The following CCDC91 variants were observed in gnomAD, a reference collection of about 807,000 sequenced individuals.
CCDC91 encodes coiled-coil domain containing 91, also known as coiled-coil domain-containing protein 91.
Under a neutral mutation model 63.2 loss-of-function variants are expected in CCDC91, and 48 were observed. The observed-to-expected ratio is 0.76, with a 90% CI of 0.60 to 0.97. The LOEUF (loss-of-function observed/expected upper bound fraction) is 0.97, where lower values mean the gene tolerates loss of function less well. Ranked by LOEUF, CCDC91 falls within the 50% of genes least tolerant of loss-of-function variation. The pLI is 0.00. For missense variants in CCDC91, 500 were observed against 494.6 expected, an observed-to-expected ratio of 1.01 and a Z score of -0.10; for synonymous variants, 167 against 165.8, an observed-to-expected ratio of 1.01 and a Z score of -0.06.
In CCDC91 at chr12:28,548,256, A is replaced by G. The variant is rs1240700242; in HGVS notation, c.1216-807A>G. The stretch of plus-strand genomic sequence containing the variant: ...CAAGAACAAAAAAAGTTTCAACAGT[A>G]TCAAATATTTTGTGTGTTGTTTTAT... On this transcript the variant is annotated intron_variant, in intron 12 of 12. Transcript: ENST00000536442. Among the ~76,000 whole-genome samples the G allele has an allele frequency of 2.6e-5, 4 of 152,116 alleles. No individual in the cohort carries two copies. In the East Asian group the frequency reaches 7.7e-4, roughly 29 times the overall value.
chr12:28,494,594 C>T (rs1484281778), intron 12 of CCDC91, among the ~76,000 whole-genome samples: 1 of 151,664 alleles, frequency 6.6e-6, no homozygotes, highest in Non-Finnish European at 1.5e-5. Context: ...GTTCTGGACA[C>T]ATATGTCATC....
At chr12:28,479,046 A>G (rs1234915698) in intron 11 of CCDC91, among the ~76,000 whole-genome samples, 3 of 152,106 alleles carry the variant, frequency 2.0e-5, no homozygotes, top group African/African-American at 7.2e-5. Flanking sequence ...ATCGTGGAAG[A>G]CAGTATGGCG....
Position 28,549,195 on chromosome 12 carries a change from C to T in CCDC91, c.*22C>T. The T allele has an allele frequency of 7.8e-7, 1 of 1,283,354 alleles. No individual in the cohort carries two copies. The highest frequency in any genetic ancestry group is 1.1e-6 in the Non-Finnish European group (1 of 879,696). 79.5% of individuals were successfully genotyped at this position (1,283,354 alleles called of 1,614,324 possible). A position where few individuals can be genotyped will look rare whatever the true frequency, so the allele number is the denominator to read the frequency against. On this transcript the variant is annotated 3_prime_UTR_variant, in exon 13 of 13. Coordinates refer to ENST00000536442, the MANE Select transcript of CCDC91 (RefSeq NM_018318.5). ...ATAAAAAGAACATGACAAACCCACA[C>T]TGGCATTGGATAAATCATATTACAC...
chr12:28,447,022 AAAGGTGT>A (rs1949536126), intron 8 of CCDC91, among the ~76,000 whole-genome samples: 1 of 152,142 alleles, frequency 6.6e-6, no homozygotes. Context: ...TATTGTTAGA[AAAGGTGT>A]AATTTGGTAT....
intron 12 of CCDC91, among the ~76,000 whole-genome samples, chr12:28,532,653 A>G (rs1380178787): frequency 6.6e-6 from 1 of 152,030 alleles, no homozygotes; most frequent in East Asian, 1.9e-4. Context: ...AGAAAGAGTA[A>G]CTGTTCGAGT....
rs1355589501 is a variant in CCDC91, at chr12:28,285,576, AT to A, written c.110-20070del. Among the ~76,000 whole-genome samples, 6 of 151,636 alleles carry A rather than the reference AT, an allele frequency of 4.0e-5. No homozygotes were observed. In the Admixed American group the frequency reaches 4.0e-4, roughly 10 times the overall value. ...AATCGAGTTTAATGATATTGCAGCAATTTGCCAATAGGACTGGCAAAATTTA... is the reference window on the plus strand; with the variant it reads ...AATCGAGTTTAATGATATTGCAGCAATTGCCAATAGGACTGGCAAAATTTA... On this transcript the variant is annotated intron_variant, in intron 3 of 12. Transcript: ENST00000536442.
intron 1 of CCDC91, among the ~76,000 whole-genome samples, chr12:28,212,714 T>C (rs986301094): frequency 3.9e-5 from 6 of 152,224 alleles, no homozygotes; most frequent in East Asian, 1.9e-4. Context: ...GTCCGTTTTT[T>C]ATTAATGAGG....
intron 12 of CCDC91, among the ~76,000 whole-genome samples, chr12:28,526,851 T>C (rs970329625): frequency 6.6e-6 from 1 of 152,056 alleles, no homozygotes; most frequent in African/African-American, 2.4e-5. Context: ...TTGAAAACTT[T>C]ATCTTCAAGC....
chr12:28,447,009 T>A (rs1365736797), intron 8 of CCDC91, among the ~76,000 whole-genome samples: 5 of 152,190 alleles, frequency 3.3e-5, no homozygotes, highest in Non-Finnish European at 7.3e-5. Flanking sequence ...CCCGTTGTCC[T>A]GTTATTGTTA....
intron 10 of CCDC91, among the ~76,000 whole-genome samples, chr12:28,451,653 A>C (rs1253006525): frequency 6.6e-6 from 1 of 151,738 alleles, no homozygotes; most frequent in African/African-American, 2.4e-5. Context: ...TATTTTTCAC[A>C]TAAAAATGTT....
intron 8 of CCDC91, among the ~76,000 whole-genome samples, chr12:28,425,182 A>C (rs917257368): frequency 2.0e-5 from 3 of 152,148 alleles, no homozygotes; most frequent in African/African-American, 7.2e-5. Context: ...TTGCCGTCCA[A>C]GTACTCTGGA....
chr12:28,436,154 T>A (rs1184558735), intron 8 of CCDC91, among the ~76,000 whole-genome samples: 1 of 151,840 alleles, frequency 6.6e-6, no homozygotes, highest in East Asian at 1.9e-4. Context: ...TTTGTTACCC[T>A]TTTTTTCCTA....
chr12:28,270,155 G>C (rs1304892456), intron 3 of CCDC91, among the ~76,000 whole-genome samples: 3 of 151,990 alleles, frequency 2.0e-5, no homozygotes, highest in African/African-American at 7.2e-5. Flanking sequence ...TTAAAGGCTA[G>C]TTTTATTGTG....
chr12:28,387,376 A>G lies in CCDC91; in HGVS notation c.655-3928A>G, dbSNP rs1592514697. Among the ~76,000 whole-genome samples, 7 of 150,584 alleles carry G rather than the reference A, an allele frequency of 4.6e-5. No individual in the cohort carries two copies. In the South Asian group the frequency reaches 1.2e-3, roughly 27 times the overall value. On this transcript the variant is annotated intron_variant, in intron 7 of 12. Transcript: ENST00000536442. The stretch of plus-strand genomic sequence containing the variant: ...TAACTCCAGCTTCTGTACTCCAGCT[A>G]TTAGTTTTGTTTTTAATTTTTTAGT...
intron 7 of CCDC91, among the ~76,000 whole-genome samples, chr12:28,377,825 TTGAC>T (rs1945043802): frequency 6.6e-6 from 1 of 151,990 alleles, no homozygotes; most frequent in Non-Finnish European, 1.5e-5. Context: ...TTTCTGATGC[TTGAC>T]TAAGTTGGTG....
intron 1 of CCDC91, among the ~76,000 whole-genome samples, chr12:28,231,697 AT>A (rs80006427): frequency 0.21 from 31,257 of 152,112 alleles, 4,209 homozygotes; most frequent in Non-Finnish European, 0.3. Context: ...TTATTAGATA[AT>A]TTTAAGAAAG....
chr12:28,259,772 C>A (rs1489813783), intron 3 of CCDC91, among the ~76,000 whole-genome samples: 2 of 151,602 alleles, frequency 1.3e-5, no homozygotes, highest in Middle Eastern at 3.2e-3. Context: ...TTAAAGATTC[C>A]TTTTTATAGT....
chr12:28,264,928 T>C (rs939569667), intron 3 of CCDC91, among the ~76,000 whole-genome samples: 7 of 152,000 alleles, frequency 4.6e-5, no homozygotes, highest in African/African-American at 1.7e-4. Context: ...TCATTTTCAG[T>C]GATGCCATAT....
intron 12 of CCDC91, among the ~76,000 whole-genome samples, chr12:28,523,480 G>A (rs1415555982): frequency 6.6e-6 from 1 of 152,048 alleles, no homozygotes; most frequent in Non-Finnish European, 1.5e-5. Context: ...CTGCACATGA[G>A]ATGGGTCTCC....
Sources: allele counts gnomAD v4.1 joint callset (sites outside exome capture counted in the v4.1 genomes callset), GRCh38; gene constraint gnomAD v4.1.1; transcripts MANE v1.5; gene names NCBI Gene and HGNC (gene_info 2026-07-23, HGNC 2026-07-21).